Variants in CPNE8 observed in about 807,000 individuals in gnomAD.
CPNE8 encodes copine 8.
CPNE8 carries 45 observed loss-of-function variants against 81.5 expected under a neutral mutation model. The observed-to-expected ratio is 0.55, with a 90% CI of 0.44 to 0.71. The LOEUF (loss-of-function observed/expected upper bound fraction) is 0.71, where lower values mean the gene tolerates loss of function less well. CPNE8 is among the 30% of genes least tolerant of loss of function. The probability of loss-of-function intolerance (pLI) is 0.00; values close to 1 mark genes in which losing one functional copy is unlikely to be tolerated. For missense variants in CPNE8, 594 were observed against 672.1 expected, an observed-to-expected ratio of 0.88 and a Z score of 1.28; for synonymous variants, 252 against 226.3, an observed-to-expected ratio of 1.11 and a Z score of -1.02.
Position 38,872,990 on chromosome 12 carries a change from A to C in CPNE8, c.186+14T>G. Reference sequence around the variant, plus strand: ...TCAAGCCCAGTGATTTTTTTAAAAAAGTTTTAAACTTACCTCTCTCCATTC... The same window carrying C: ...TCAAGCCCAGTGATTTTTTTAAAAACGTTTTAAACTTACCTCTCTCCATTC... On this transcript the variant is annotated intron_variant, in intron 3 of 19. Coordinates refer to ENST00000331366, the MANE Select transcript of CPNE8 (RefSeq NM_153634.3). The C allele has an allele frequency of 6.9e-7, 1 of 1,446,328 alleles. No individual in the cohort carries two copies. The highest frequency in any genetic ancestry group is 9.7e-7 in the Non-Finnish European group (1 of 1,033,328). The allele number at this position is 1,446,328 out of a possible 1,614,324, so 89.6% of individuals were successfully genotyped here.
chr12:38,773,350 G>A (rs1328908120), intron 7 of CPNE8, among the ~76,000 whole-genome samples: 8 of 152,002 alleles, frequency 5.3e-5, no homozygotes, highest in Non-Finnish European at 5.9e-5. Context: ...AAATAAGCAG[G>A]GTAGGGGGAA....
At chr12:38,827,678 A>G (rs1943220769) in intron 6 of CPNE8, among the ~76,000 whole-genome samples, 1 of 152,202 alleles carries the variant, frequency 6.6e-6, no homozygotes, top group African/African-American at 2.4e-5. Context: ...AGCAACAGTA[A>G]TGGAACTAGA....
At chr12:38,807,949 A>T (rs1232865429) in intron 6 of CPNE8, among the ~76,000 whole-genome samples, 4 of 152,140 alleles carry the variant, frequency 2.6e-5, no homozygotes, top group Admixed American at 2.6e-4. Context: ...AAAGGATATG[A>T]ACAGACACTT....
chr12:38,757,383 T>C (rs2136839663), intron 10 of CPNE8, among the ~76,000 whole-genome samples: 1 of 152,122 alleles, frequency 6.6e-6, no homozygotes, highest in African/African-American at 2.4e-5. Context: ...AAAAGTGTAA[T>C]AACCATCTTA....
intron 13 of CPNE8, among the ~76,000 whole-genome samples, chr12:38,710,655 T>G (rs1008066384): frequency 6.6e-6 from 1 of 152,132 alleles, no homozygotes; most frequent in Non-Finnish European, 1.5e-5. Flanking sequence ...CTCTGTGGGG[T>G]CAGAAGAGAG....
intron 6 of CPNE8, among the ~76,000 whole-genome samples, chr12:38,782,588 G>C (rs940456788): frequency 6.6e-6 from 1 of 152,008 alleles, no homozygotes; most frequent in Non-Finnish European, 1.5e-5. Flanking sequence ...GAAACAGAAA[G>C]AGAATGAGAA....
At chr12:38,791,787 T>G (rs886848016) in intron 6 of CPNE8, among the ~76,000 whole-genome samples, 7 of 151,676 alleles carry the variant, frequency 4.6e-5, no homozygotes, top group Non-Finnish European at 1.0e-4. Context: ...ATATACATTC[T>G]CTTCAAGTGA....
At position 38,763,217 on chromosome 12, in the gene CPNE8, TG is replaced by T. The variant is rs570635733; in HGVS notation, c.576-1002del. Among the ~76,000 whole-genome samples the T allele has an allele frequency of 1.3e-4, 20 of 152,288 alleles. No homozygotes were observed. In the South Asian group the frequency reaches 3.9e-3, roughly 30 times the overall value. On this transcript the variant is annotated intron_variant, in intron 8 of 19. Transcript: ENST00000331366. ...GGATCCTGAGCATCAGTGGAGGAGC[TG>T]CCCTTGAGAGGCCAGACAGTCATTC...
At chr12:38,726,536 T>G (rs577539134) in intron 11 of CPNE8, 8 of 152,206 alleles carry the variant, frequency 5.3e-5, no homozygotes, top group Non-Finnish European at 1.0e-4. Flanking sequence ...AAGGTAATGT[T>G]TGATCTTGAG....
chr12:38,878,016 G>T (rs1944092389), intron 1 of CPNE8, among the ~76,000 whole-genome samples: 1 of 152,196 alleles, frequency 6.6e-6, no homozygotes, highest in East Asian at 1.9e-4. Flanking sequence ...GTGACCTCTG[G>T]TCTTCCTCAC....
intron 13 of CPNE8, among the ~76,000 whole-genome samples, chr12:38,708,255 A>G (rs567307207): frequency 1.9e-4 from 29 of 152,302 alleles, no homozygotes; most frequent in African/African-American, 6.5e-4. Flanking sequence ...ACTTTAATAC[A>G]TAATTTGTTA....
At chr12:38,706,733 AAC>A (rs1365323472) in intron 13 of CPNE8, among the ~76,000 whole-genome samples, 2 of 152,164 alleles carry the variant, frequency 1.3e-5, no homozygotes, top group Non-Finnish European at 2.9e-5. Context: ...ATCTTGATTC[AAC>A]TCTCTCTTGC....
Position 38,654,085 on chromosome 12 carries a change from A to G in CPNE8, c.1507-15T>C, listed in dbSNP as rs1284938924. On this transcript the variant is annotated splice_polypyrimidine_tract_variant and intron_variant, in intron 19 of 19. Coordinates refer to ENST00000331366, the MANE Select transcript of CPNE8 (RefSeq NM_153634.3). ...AATGGCACAAACTAAAACAGAGACG[A>G]AAGAAAGTTATTTCACAGACTTTAG... is the stretch of plus-strand genomic sequence containing the variant. The G allele has an allele frequency of 6.3e-7, 1 of 1,575,102 alleles. No homozygotes were observed. The highest frequency in any genetic ancestry group is 1.2e-5 in the South Asian group (1 of 85,056).
intron 6 of CPNE8, among the ~76,000 whole-genome samples, chr12:38,800,945 G>T (rs1942647267): frequency 7.0e-6 from 1 of 142,478 alleles, no homozygotes; most frequent in Admixed American, 7.1e-5. Context: ...AGCAAGAAGG[G>T]AAGTTTAGAG....
At chr12:38,737,273 A>G (rs2136782664) in intron 10 of CPNE8, among the ~76,000 whole-genome samples, 1 of 152,122 alleles carries the variant, frequency 6.6e-6, no homozygotes, top group Non-Finnish European at 1.5e-5. Context: ...TTTTTATGTC[A>G]TTGGTCAATG....
intron 3 of CPNE8, among the ~76,000 whole-genome samples, chr12:38,869,861 A>G (rs1943965301): frequency 6.6e-6 from 1 of 152,156 alleles, no homozygotes; most frequent in African/African-American, 2.4e-5. Context: ...AACTCCTTCA[A>G]AAATAAAAAA....
chr12:38,788,855 A>G (rs1275149045), intron 6 of CPNE8, among the ~76,000 whole-genome samples: 2 of 151,904 alleles, frequency 1.3e-5, no homozygotes, highest in African/African-American at 4.8e-5. Flanking sequence ...CCCTATTTAC[A>G]GTAGCCACAA....
intron 6 of CPNE8, among the ~76,000 whole-genome samples, chr12:38,827,072 T>G (rs1413705106): frequency 2.1e-5 from 3 of 144,208 alleles, no homozygotes; most frequent in African/African-American, 7.8e-5. Flanking sequence ...TCCCAGCTAC[T>G]CGGGAGGCTG....
chr12:38,797,153 G>C (rs964575423), intron 6 of CPNE8, among the ~76,000 whole-genome samples: 1 of 152,206 alleles, frequency 6.6e-6, no homozygotes, highest in African/African-American at 2.4e-5. Context: ...AGTAACCTCT[G>C]CAGACGTAAA....
Sources: allele counts gnomAD v4.1 joint callset (sites outside exome capture counted in the v4.1 genomes callset), GRCh38; gene constraint gnomAD v4.1.1; transcripts MANE v1.5; gene names NCBI Gene and HGNC (gene_info 2026-07-23, HGNC 2026-07-21).